The following IMPG2 variants were observed in gnomAD, a reference collection of about 807,000 sequenced individuals.
IMPG2 encodes interphotoreceptor matrix proteoglycan 2.
A neutral mutation model predicts 129.2 loss-of-function variants in IMPG2; 91 were observed. The ratio of observed to expected loss-of-function variants is 0.70; its 90% CI spans 0.59 to 0.84. The LOEUF is 0.84. Among genes scored for constraint, IMPG2 ranks in the 40% least tolerant of loss-of-function variants. IMPG2 has a pLI of 0.00. For synonymous variants in IMPG2, 510 were observed against 517.7 expected (o/e 0.99, Z 0.20); for missense variants, 1,430 against 1,461.7 (o/e 0.98, Z 0.35).
chr3:101,244,199 C>T lies in IMPG2; in HGVS notation c.2132G>A (p.Gly711Asp), dbSNP rs1210001042. 1.2e-6 allele frequency: 2 copies of T among 1,613,982 alleles called. No homozygotes were observed. Among genetic ancestry groups the T allele is most frequent in the Admixed American group, 3.3e-5 (2 of 59,992 alleles). ...TLPKHISEVP[G>D]VDDYSVTKAP... is the part of the protein sequence containing the mutation. Reference sequence around the variant, plus strand: ...TTTGGTAACTGAGTAATCATCAACACCAGGTACTTCTGATATGTGCTTGGG... The same window carrying T: ...TTTGGTAACTGAGTAATCATCAACATCAGGTACTTCTGATATGTGCTTGGG... The change falls in exon 13 of 19, where the codon GGT becomes GAT. Residue 711 changes from glycine to aspartate, a missense_variant. Transcript: ENST00000193391.
chr3:101,266,476 T>C (rs1313156015), intron 9 of IMPG2, among the ~76,000 whole-genome samples: 1 of 152,316 alleles, frequency 6.6e-6, no homozygotes, highest in East Asian at 1.9e-4. Flanking sequence ...TTTTAAAATA[T>C]AGCCCTGAAA....
intron 15 of IMPG2, among the ~76,000 whole-genome samples, chr3:101,231,641 C>T (rs1312434258): frequency 6.6e-6 from 1 of 152,188 alleles, no homozygotes; most frequent in African/African-American, 2.4e-5. Flanking sequence ...CTGTTTTTCT[C>T]CTTATAAACT....
intron 5 of IMPG2, 138 bp downstream of exon 5, chr3:101,276,526 A>G (rs1706841877): frequency 3.0e-6 from 2 of 663,798 alleles, no homozygotes; most frequent in South Asian, 1.9e-5. Flanking sequence ...CTTTTTCTTG[A>G]GACTCTTGAA....
intron 15 of IMPG2, among the ~76,000 whole-genome samples, chr3:101,231,913 C>A (rs1706291746): frequency 6.6e-6 from 1 of 152,088 alleles, no homozygotes; most frequent in Non-Finnish European, 1.5e-5. Context: ...ATTGGTTCTA[C>A]CTTTAGAAAA....
intron 6 of IMPG2, among the ~76,000 whole-genome samples, chr3:101,273,984 G>A (rs1193384200): frequency 6.6e-6 from 1 of 152,082 alleles, no homozygotes; most frequent in African/African-American, 2.4e-5. Context: ...GATCACTTGA[G>A]GTCAGGAGTT....
intron 8 of IMPG2, among the ~76,000 whole-genome samples, chr3:101,268,426 GAT>G (rs1158696206): frequency 5.3e-5 from 8 of 152,308 alleles, no homozygotes; most frequent in African/African-American, 1.9e-4. Flanking sequence ...GACTGGTCAT[GAT>G]ATGAGACTAG....
At chr3:101,257,360 A>G (rs1256136654) in intron 10 of IMPG2, among the ~76,000 whole-genome samples, 169 bp downstream of exon 10, 1 of 152,134 alleles carries the variant, frequency 6.6e-6, no homozygotes, top group Non-Finnish European at 1.5e-5. Flanking sequence ...CCCCGGATTA[A>G]TCTATCCAAA....
chr3:101,224,604 A>G lies in IMPG2; in HGVS notation c.*2365T>C, dbSNP rs1706201894. ...TCTTTAGGGGTAGTTTTTTCCATCA[A>G]ACTAATAGCTCCTTTAGTGCTTTGC... On this transcript the variant is annotated 3_prime_UTR_variant, in exon 19 of 19. Transcript: ENST00000193391. 6.6e-6 allele frequency: 1 copy of G among 152,198 alleles called. No homozygotes were observed. Among genetic ancestry groups the G allele is most frequent in the Non-Finnish European group, 1.5e-5 (1 of 68,028 alleles). 9.4% of individuals were successfully genotyped at this position (152,198 alleles called of 1,614,324 possible).
Position 101,226,240 on chromosome 3 carries a change from T to TATATAC in IMPG2, c.*728_*729insGTATAT, listed in dbSNP as rs1706221225. 1 of 10,444 alleles carries TATATAC rather than the reference T, an allele frequency of 9.6e-5. No homozygotes were observed. The highest frequency in any genetic ancestry group is 2.5e-4 in the African/African-American group (1 of 3,972). 0.6% of individuals were successfully genotyped at this position (10,444 alleles called of 1,614,324 possible). ...CTTCTAAACTTTATATATATATATA[T>TATATAC]ATATATATATATATATATATATATA... On this transcript the variant is annotated 3_prime_UTR_variant, in exon 19 of 19. Transcript: ENST00000193391.
At chr3:101,241,280 A>G (rs1706403932) in intron 14 of IMPG2, among the ~76,000 whole-genome samples, 1 of 152,240 alleles carries the variant, frequency 6.6e-6, no homozygotes, top group Non-Finnish European at 1.5e-5. Context: ...AGGTGAGTCA[A>G]TGAAAAGTCC....
chr3:101,274,970 G>T (rs1401537912), intron 6 of IMPG2, among the ~76,000 whole-genome samples: 1 of 151,858 alleles, frequency 6.6e-6, no homozygotes, highest in Non-Finnish European at 1.5e-5. Flanking sequence ...CTGATTTCAT[G>T]TAAGTTAAAA....
At position 101,291,478 on chromosome 3, in the gene IMPG2, C is replaced by T; in HGVS notation, c.533+1G>A. The stretch of plus-strand genomic sequence containing the variant: ...GAATTTTGGGAAAAAGAGACACTCA[C>T]CTGCTTACAGTTTCCTTTGCATAAG... On this transcript the variant is annotated splice_donor_variant, in intron 4 of 18. Coordinates refer to ENST00000193391, the MANE Select transcript of IMPG2 (RefSeq NM_016247.4). LOFTEE classifies it high-confidence loss of function. 2 of 1,613,038 alleles carry T rather than the reference C, an allele frequency of 1.2e-6. No individual in the cohort carries two copies. The highest frequency in any genetic ancestry group is 1.7e-6 in the Non-Finnish European group (2 of 1,179,124).
intron 2 of IMPG2, among the ~76,000 whole-genome samples, chr3:101,306,978 C>T (rs1486965447): frequency 1.3e-5 from 2 of 151,976 alleles, no homozygotes; most frequent in African/African-American, 4.8e-5. Flanking sequence ...GAAAATATTC[C>T]AAATACATAT....
chr3:101,278,514 T>G (rs964454974), intron 4 of IMPG2, among the ~76,000 whole-genome samples: 1 of 152,154 alleles, frequency 6.6e-6, no homozygotes, highest in African/African-American at 2.4e-5. Context: ...TGATGTATAA[T>G]TTAAAACGTT....
chr3:101,239,324 CAT>C (rs1292152755), intron 14 of IMPG2, among the ~76,000 whole-genome samples: 1 of 152,124 alleles, frequency 6.6e-6, no homozygotes, highest in Non-Finnish European at 1.5e-5. Flanking sequence ...AGCTAACAAA[CAT>C]ATGAAAAAAG....
chr3:101,318,149 A>AAATAATAAT (rs138777161), intron 2 of IMPG2, among the ~76,000 whole-genome samples: 1,601 of 144,144 alleles, frequency 0.011, 17 homozygotes, highest in Admixed American at 0.015. Context: ...AAATAGTAAT[A>AAATAATAAT]AATAATAATA....
At chr3:101,277,426 C>T (rs991065608) in intron 4 of IMPG2, among the ~76,000 whole-genome samples, 1 of 152,142 alleles carries the variant, frequency 6.6e-6, no homozygotes. Flanking sequence ...GCAAAACACC[C>T]ATTGTATATG....
chr3:101,256,998 C>A (rs1043526912), intron 10 of IMPG2, among the ~76,000 whole-genome samples: 13 of 152,034 alleles, frequency 8.6e-5, no homozygotes, highest in African/African-American at 2.9e-4. Flanking sequence ...TCATATCCAC[C>A]TGTTCATTAT....
At chr3:101,237,790 T>C (rs1422223461) in intron 14 of IMPG2, among the ~76,000 whole-genome samples, 2 of 151,790 alleles carry the variant, frequency 1.3e-5, no homozygotes, top group Admixed American at 6.6e-5. Flanking sequence ...GGCTGAAAAT[T>C]CCAAAAACGA....
Sources: gnomAD v4.1 joint callset for allele counts (sites outside exome capture counted in the v4.1 genomes callset) on GRCh38, gnomAD v4.1.1 for gene constraint, MANE v1.5 for transcripts, NCBI Gene and HGNC (gene_info 2026-07-23, HGNC 2026-07-21) for gene names.